OTUD7A: variants seen among roughly 807,000 people sequenced by gnomAD.
OTUD7A encodes OTU deubiquitinase 7A.
Under a neutral mutation model 65.7 loss-of-function variants are expected in OTUD7A, and 12 were observed. The ratio of observed to expected loss-of-function variants is 0.18; its 90% confidence interval spans 0.12 to 0.30. OTUD7A has a LOEUF of 0.30. OTUD7A is among the 10% of genes least tolerant of loss of function. The probability of loss-of-function intolerance (pLI) is 1.00; values close to 1 mark genes in which losing one functional copy is unlikely to be tolerated. For synonymous variants in OTUD7A, 641 were observed against 586.3 expected (o/e 1.09, Z -1.35); for missense variants, 1,148 against 1,304.8 (o/e 0.88, Z 1.85).
intron 1 of OTUD7A, among the ~76,000 whole-genome samples, chr15:31,786,110 C>T (rs912433715): frequency 3.9e-5 from 6 of 152,084 alleles, no homozygotes; most frequent in African/African-American, 9.7e-5. Context: ...TGATGCCGTG[C>T]GCCACCTGGG....
At chr15:31,507,169 G>A (rs2041588260) in intron 8 of OTUD7A, among the ~76,000 whole-genome samples, 1 of 152,038 alleles carries the variant, frequency 6.6e-6, no homozygotes, top group Admixed American at 6.5e-5. Context: ...GAAGATGGGG[G>A]AATAATGTGT....
intron 3 of OTUD7A, among the ~76,000 whole-genome samples, chr15:31,578,321 T>C (rs1270695072): frequency 6.6e-6 from 1 of 152,230 alleles, no homozygotes; most frequent in African/African-American, 2.4e-5. Flanking sequence ...TAACATCTAA[T>C]TGGACTTAAG....
rs1050825494 is a variant in OTUD7A, at chr15:31,494,087, C to T, written c.1172-6521G>A. Among the ~76,000 whole-genome samples the T allele has an allele frequency of 2.0e-5, 3 of 152,234 alleles. No individual in the cohort carries two copies. The South Asian group carries it at 6.2e-4, about 31-fold the overall frequency. On this transcript the variant is annotated intron_variant, in intron 10 of 12. Coordinates refer to ENST00000307050, the MANE Select transcript of OTUD7A (RefSeq NM_001382637.1). ...GGGCCAATGGTGGCAGACATACATT[C>T]TCTGGCCTAAAGTTTATATGTAGAT...
intron 3 of OTUD7A, among the ~76,000 whole-genome samples, chr15:31,645,042 T>C (rs1487113584): frequency 6.6e-6 from 1 of 152,174 alleles, no homozygotes; most frequent in Non-Finnish European, 1.5e-5. Context: ...GTTCTCTCTG[T>C]GTAGCTGTCT....
At position 31,527,117 on chromosome 15, in the gene OTUD7A, G is replaced by A. The variant is rs901547364; in HGVS notation, c.780+64C>T. The A allele has an allele frequency of 5.0e-6, 8 of 1,600,636 alleles. No homozygotes were observed. In the East Asian group the frequency reaches 6.7e-5, roughly 13 times the overall value. On this transcript the variant is annotated intron_variant, in intron 7 of 12. Coordinates refer to ENST00000307050, the MANE Select transcript of OTUD7A (RefSeq NM_001382637.1). ...GGCCTGGAGGCCATGCTGTGGACTC[G>A]ACCACGGCCCGAGGCTGCATCTGGC...
chr15:31,609,989 G>A (rs1890352458), intron 3 of OTUD7A, among the ~76,000 whole-genome samples: 1 of 152,146 alleles, frequency 6.6e-6, no homozygotes, highest in African/African-American at 2.4e-5. Flanking sequence ...CTGCAGCTCA[G>A]CTCACAGGAA....
chr15:31,856,904 C>T (rs535717801), intron 1 of OTUD7A, among the ~76,000 whole-genome samples: 1 of 152,210 alleles, frequency 6.6e-6, no homozygotes, highest in Non-Finnish European at 1.5e-5. Flanking sequence ...TTGGACAGAG[C>T]GCTGTCACTG....
At chr15:31,595,580 T>C (rs1237711415) in intron 3 of OTUD7A, among the ~76,000 whole-genome samples, 1 of 152,218 alleles carries the variant, frequency 6.6e-6, no homozygotes, top group Non-Finnish European at 1.5e-5. Flanking sequence ...CCAATCCCTC[T>C]GGCATCATTT....
Position 31,500,386 on chromosome 15 carries a change from G to A in OTUD7A, c.1171+1304C>T, listed in dbSNP as rs534034515. Among the ~76,000 whole-genome samples, 27 of 152,370 alleles carry A rather than the reference G, an allele frequency of 1.8e-4. No individual in the cohort carries two copies. In the South Asian group the frequency reaches 4.6e-3, roughly 26 times the overall value. On this transcript the variant is annotated intron_variant, in intron 10 of 12. Transcript: ENST00000307050. ...TCACGGCCGGCTGTAGCCTCCAGTC[G>A]TCTCTCTTCCTGTGACTTGGGTTCT...
chr15:31,583,899 C>T (rs183500733), intron 3 of OTUD7A, among the ~76,000 whole-genome samples: 19 of 152,192 alleles, frequency 1.2e-4, no homozygotes, highest in African/African-American at 3.9e-4. Context: ...CTCTAGTTCC[C>T]CTTCCTACTT....
intron 3 of OTUD7A, among the ~76,000 whole-genome samples, chr15:31,635,287 T>C (rs12904500): frequency 0.17 from 26,162 of 152,156 alleles, 2,499 homozygotes; most frequent in East Asian, 0.25. Context: ...ACTACCTTGG[T>C]GCTCCTGGGA....
At chr15:31,862,685 CAT>C (rs1278227180) in intron 1 of OTUD7A, among the ~76,000 whole-genome samples, 11 of 152,136 alleles carry the variant, frequency 7.2e-5, no homozygotes, top group Non-Finnish European at 1.6e-4. Flanking sequence ...CCTCCCATAA[CAT>C]GTGGAAATTC....
intron 1 of OTUD7A, among the ~76,000 whole-genome samples, chr15:31,802,133 G>GTATATATATATA (rs1219526014): frequency 3.7e-4 from 43 of 117,290 alleles, no homozygotes; most frequent in African/African-American, 1.3e-3. Context: ...GTGTGTGTGT[G>GTATATATATATA]TGTGTGTGTA....
intron 1 of OTUD7A, among the ~76,000 whole-genome samples, chr15:31,700,934 T>TG (rs1262724212): frequency 7.2e-5 from 11 of 151,928 alleles, no homozygotes; most frequent in Non-Finnish European, 1.6e-4. Context: ...CAATAGCATG[T>TG]GCACCAGCAC....
chr15:31,664,730 A>C (rs1196662550), intron 1 of OTUD7A, among the ~76,000 whole-genome samples: 1 of 152,140 alleles, frequency 6.6e-6, no homozygotes, highest in Non-Finnish European at 1.5e-5. Flanking sequence ...GAAATCCTTG[A>C]CTAAGCCAAT....
chr15:31,601,422 C>A (rs193256030), intron 3 of OTUD7A, among the ~76,000 whole-genome samples: 3 of 151,956 alleles, frequency 2.0e-5, no homozygotes, highest in African/African-American at 7.2e-5. Flanking sequence ...TGAGAACAGA[C>A]GCAACGTACC....
chr15:31,605,205 G>C (rs1247334881), intron 3 of OTUD7A, among the ~76,000 whole-genome samples: 1 of 151,980 alleles, frequency 6.6e-6, no homozygotes, highest in Admixed American at 6.5e-5. Context: ...GGGGGAATGG[G>C]TGGTAAATAT....
intron 1 of OTUD7A, among the ~76,000 whole-genome samples, chr15:31,858,710 T>C (rs529015763): frequency 2.3e-4 from 35 of 152,312 alleles, no homozygotes; most frequent in South Asian, 1.9e-3. Context: ...CCCATCCCAC[T>C]GCACACCACC....
At chr15:31,848,394 T>C (rs911563670) in intron 1 of OTUD7A, among the ~76,000 whole-genome samples, 3 of 152,120 alleles carry the variant, frequency 2.0e-5, no homozygotes, top group African/African-American at 7.2e-5. Context: ...ACCCTGAACT[T>C]TAAGTAATGG....
Sources: allele counts gnomAD v4.1 joint callset (sites outside exome capture counted in the v4.1 genomes callset), GRCh38; gene constraint gnomAD v4.1.1; transcripts MANE v1.5; gene names NCBI Gene and HGNC (gene_info 2026-07-23, HGNC 2026-07-21).